SPHKAP: variants seen among roughly 807,000 people sequenced by gnomAD.
SPHKAP encodes SPHK1 interactor, AKAP domain containing.
Under a neutral mutation model 137.5 loss-of-function variants are expected in SPHKAP, and 67 were observed. The ratio of observed to expected loss-of-function variants is 0.49; its 90% CI spans 0.40 to 0.60. SPHKAP has a LOEUF of 0.60. SPHKAP is among the 20% of genes least tolerant of loss of function. SPHKAP has a pLI of 0.00. For synonymous variants in SPHKAP, 813 were observed against 785.3 expected, an observed-to-expected ratio of 1.04 and a Z score of -0.59; for missense variants, 2,097 against 2,069.3, an observed-to-expected ratio of 1.01 and a Z score of -0.26.
At chr2:228,099,669 T>G (rs1430178343) in intron 3 of SPHKAP, among the ~76,000 whole-genome samples, 3 of 152,164 alleles carry the variant, frequency 2.0e-5, no homozygotes, top group Non-Finnish European at 4.4e-5. Flanking sequence ...ATAGGATGAT[T>G]TTCCCATTTG....
At chr2:227,989,261 A>G (rs1693324749) in intron 11 of SPHKAP, among the ~76,000 whole-genome samples, 1 of 152,228 alleles carries the variant, frequency 6.6e-6, no homozygotes, top group Non-Finnish European at 1.5e-5. Context: ...GAAGTATTTT[A>G]TGGAGAAAAC....
At chr2:228,034,072 A>T (rs1216145989) in intron 3 of SPHKAP, among the ~76,000 whole-genome samples, 1 of 152,216 alleles carries the variant, frequency 6.6e-6, no homozygotes, top group Non-Finnish European at 1.5e-5. Flanking sequence ...AATCCTTCAA[A>T]AAATTAATGA....
chr2:228,156,969 G>A (rs1700125732), intron 1 of SPHKAP, among the ~76,000 whole-genome samples: 1 of 152,098 alleles, frequency 6.6e-6, no homozygotes, highest in Admixed American at 6.6e-5. Flanking sequence ...AGCTGCTTGA[G>A]AACAGATTAA....
rs1229715406 is a variant in SPHKAP, at chr2:228,080,761, A to G, written c.246+28071T>C. ...ATAAAATAAAATAAAATAAAATAAA[A>G]TAAAATAAAATAAAATAAAATAAAA... On this transcript the variant is annotated intron_variant, in intron 3 of 11. Coordinates refer to ENST00000392056, the MANE Select transcript of SPHKAP (RefSeq NM_001142644.2). Among the ~76,000 whole-genome samples, 470 of 70,324 alleles carry G rather than the reference A, an allele frequency of 6.7e-3. 7 individuals are homozygous for G. Among genetic ancestry groups the G allele is most frequent in the African/African-American group, 0.024 (440 of 18,368 alleles). 46.1% of individuals were successfully genotyped at this position (70,324 alleles called of 152,430 possible).
chr2:228,035,742 T>C (rs1049811788), intron 3 of SPHKAP, among the ~76,000 whole-genome samples: 1 of 152,172 alleles, frequency 6.6e-6, no homozygotes, highest in Non-Finnish European at 1.5e-5. Context: ...TCTACAACCA[T>C]CTGATCTTTG....
intron 1 of SPHKAP, among the ~76,000 whole-genome samples, chr2:228,177,440 G>A (rs1011492773): frequency 6.6e-6 from 1 of 152,122 alleles, no homozygotes; most frequent in Non-Finnish European, 1.5e-5. Context: ...GACAGAGAAT[G>A]AAGTTAAGTG....
intron 4 of SPHKAP, chr2:228,026,007 T>C (rs1053202973): frequency 1.2e-5 from 3 of 249,068 alleles, no homozygotes; most frequent in Non-Finnish European, 1.9e-5. Flanking sequence ...GGCGAGTCTC[T>C]CCTGCACTGT....
intron 2 of SPHKAP, among the ~76,000 whole-genome samples, chr2:228,124,943 C>T (rs932455641): frequency 3.3e-5 from 5 of 152,180 alleles, no homozygotes; most frequent in Non-Finnish European, 5.9e-5. Context: ...CCACTGTTTA[C>T]AGCAAATTTA....
At position 227,984,866 on chromosome 2, in the gene SPHKAP, T is replaced by C. The variant is rs146017416; in HGVS notation, c.4960-3006A>G. On this transcript the variant is annotated intron_variant, in intron 11 of 11. Coordinates refer to ENST00000392056, the MANE Select transcript of SPHKAP (RefSeq NM_001142644.2). ...GGTGCCTCCTTTCACTTAGCAAGTC[T>C]GTAAAGATTCCACTGATGGAAACAT... 2.8e-4 allele frequency among the ~76,000 whole-genome samples: 43 copies of C among 152,304 alleles called. No individual in the cohort carries two copies. The East Asian group carries it at 8.1e-3, about 29-fold the overall frequency.
chr2:228,109,399 T>C, intron 2 of SPHKAP: 1 of 984,128 alleles, frequency 1.0e-6, no homozygotes, highest in Non-Finnish European at 1.2e-6. Context: ...TTTGAACTAG[T>C]GTACAATTTT....
chr2:228,133,191 C>T (rs998695176), intron 1 of SPHKAP, among the ~76,000 whole-genome samples: 3 of 151,774 alleles, frequency 2.0e-5, no homozygotes, highest in African/African-American at 7.3e-5. Context: ...CCTGTAGTCC[C>T]AACTACTTGG....
intron 3 of SPHKAP, among the ~76,000 whole-genome samples, chr2:228,074,854 C>A (rs925822424): frequency 1.3e-5 from 2 of 151,718 alleles, no homozygotes; most frequent in Admixed American, 1.3e-4. Flanking sequence ...CCTTTCTCTC[C>A]TGTTTTCCCC....
Position 228,150,835 on chromosome 2 carries a change from C to T in SPHKAP, c.33-18750G>A, listed in dbSNP as rs114493799. Reference sequence around the variant, plus strand: ...GTGCCATCATGGCTCATCACAGCCTCGATCTCCTTGGCTCAAGCAATCCTC... The same window carrying T: ...GTGCCATCATGGCTCATCACAGCCTTGATCTCCTTGGCTCAAGCAATCCTC... On this transcript the variant is annotated intron_variant, in intron 1 of 11. Coordinates refer to ENST00000392056, the MANE Select transcript of SPHKAP (RefSeq NM_001142644.2). Among the ~76,000 whole-genome samples, 884 of 152,042 alleles carry T rather than the reference C, an allele frequency of 5.8e-3. 13 individuals carry two copies. The highest frequency in any genetic ancestry group is 0.02 in the African/African-American group (819 of 41,480).
At chr2:228,178,036 T>C (rs1700791066) in intron 1 of SPHKAP, among the ~76,000 whole-genome samples, 1 of 152,198 alleles carries the variant, frequency 6.6e-6, no homozygotes, top group Non-Finnish European at 1.5e-5. Context: ...CTATTTCTAT[T>C]TGCTAAAAAA....
In SPHKAP at chr2:228,017,631, A is replaced by C. The variant is rs748667861; in HGVS notation, c.3223T>G (p.Trp1075Gly). The stretch of plus-strand genomic sequence containing the variant: ...CAGCTGGAGGCCTTCAGCCGGCTCC[A>C]CCTGTCGCCACTCAGTAACCGATTC... ...PRNRLLSGDRWSRLKASSCES... is the reference protein window; with the variant it reads ...PRNRLLSGDRGSRLKASSCES... The change falls in exon 7 of 12, where the codon TGG becomes GGG. Residue 1075 changes from tryptophan to glycine, a missense_variant. Trp to Gly is a radical substitution (Grantham distance 184, BLOSUM62 -2). Transcript: ENST00000392056. 42 of 1,613,854 alleles carry C rather than the reference A, an allele frequency of 2.6e-5. No homozygotes were observed. The Middle Eastern group carries it at 8.2e-4, about 32-fold the overall frequency.
intron 3 of SPHKAP, among the ~76,000 whole-genome samples, chr2:228,066,967 T>C (rs955519954): frequency 9.9e-5 from 15 of 152,238 alleles, no homozygotes; most frequent in African/African-American, 3.6e-4. Context: ...GCATCCTGTT[T>C]CATTATGTTT....
At chr2:228,071,317 C>A (rs923439131) in intron 3 of SPHKAP, among the ~76,000 whole-genome samples, 13 of 152,178 alleles carry the variant, frequency 8.5e-5, no homozygotes, top group African/African-American at 3.1e-4. Context: ...TATTAAAAAC[C>A]TGTTCATGCA....
chr2:228,030,554 A>AAG (rs35994324), intron 3 of SPHKAP, among the ~76,000 whole-genome samples: 48,225 of 139,816 alleles, frequency 0.34, 8,557 homozygotes, highest in South Asian at 0.48. Context: ...AAAAAAAAAA[A>AAG]AATAAAAAAA....
At chr2:228,033,562 T>A (rs1413952535) in intron 3 of SPHKAP, among the ~76,000 whole-genome samples, 2 of 152,126 alleles carry the variant, frequency 1.3e-5, no homozygotes, top group Admixed American at 6.6e-5. Context: ...CCACCCCAAA[T>A]CAATAGAATA....
Sources: allele counts gnomAD v4.1 joint callset (sites outside exome capture counted in the v4.1 genomes callset), GRCh38; gene constraint gnomAD v4.1.1; transcripts MANE v1.5; gene names NCBI Gene and HGNC (gene_info 2026-07-23, HGNC 2026-07-21).